CEP78: variants seen among roughly 807,000 people sequenced by gnomAD.
CEP78 encodes centrosomal protein 78, also known as centrosomal protein of 78 kDa.
Under a neutral mutation model 81.2 loss-of-function variants are expected in CEP78, and 76 were observed. That is an observed-to-expected ratio of 0.94 (90% confidence interval 0.78 to 1.13). CEP78 has a LOEUF of 1.13. Ranked by LOEUF, CEP78 falls within the 50% of genes most tolerant of loss-of-function variation. The probability of loss-of-function intolerance (pLI) is 0.00; values close to 1 mark genes in which losing one functional copy is unlikely to be tolerated. For synonymous variants in CEP78, 293 were observed against 301.4 expected (o/e 0.97, Z 0.29); for missense variants, 918 against 846.8 (o/e 1.08, Z -1.04).
intron 11 of CEP78, among the ~76,000 whole-genome samples, chr9:78,260,935 T>C (rs1827246171): frequency 6.6e-6 from 1 of 151,994 alleles, no homozygotes; most frequent in Non-Finnish European, 1.5e-5. Flanking sequence ...ACTTTTGCGT[T>C]GGAGAATACT....
intron 11 of CEP78, among the ~76,000 whole-genome samples, chr9:78,257,338 C>G (rs891136175): frequency 1.3e-5 from 2 of 152,206 alleles, no homozygotes; most frequent in African/African-American, 4.8e-5. Flanking sequence ...AGATTCCCAT[C>G]CAGCCAAACT....
intron 16 of CEP78, among the ~76,000 whole-genome samples, chr9:78,270,007 A>G (rs1237541176): frequency 6.6e-6 from 1 of 152,234 alleles, no homozygotes; most frequent in Non-Finnish European, 1.5e-5. Flanking sequence ...ACTCCCATAC[A>G]TGTAGTGCAA....
At chr9:78,270,750 G>A (rs1262669830) in intron 16 of CEP78, 91 bp from the exon 17 acceptor site, 10 of 615,996 alleles carry the variant, frequency 1.6e-5, no homozygotes, top group Non-Finnish European at 2.6e-5. Flanking sequence ...CGGCATGATA[G>A]GAGATGATTG....
In CEP78 at chr9:78,236,371, G is replaced by A. The variant is rs1285947940; in HGVS notation, c.21G>A (p.Leu7=). The change falls in exon 1 of 17, where the codon CTG becomes CTA. Residue 7 remains leucine, a synonymous_variant. Coordinates refer to ENST00000643273, the MANE Select transcript of CEP78 (RefSeq NM_001330691.3). ...GGGCCATGATCGACTCCGTGAAGCT[G>A]CGCCGCGACAGCGCGGCGGACTTCT... MIDSVK[L]RRDSAADFFS... is the part of the protein sequence containing the mutation. 1.9e-6 allele frequency: 3 copies of A among 1,584,510 alleles called. No homozygotes were observed. The highest frequency in any genetic ancestry group is 2.6e-6 in the Non-Finnish European group (3 of 1,168,426).
intron 10 of CEP78, chr9:78,253,943 G>A (rs17787781): frequency 0.048 from 7,310 of 152,210 alleles, 279 homozygotes; most frequent in Admixed American, 0.094. Flanking sequence ...GGATTTTCAG[G>A]TACTGCAGGA....
At chr9:78,258,798 C>T (rs1269958616) in intron 11 of CEP78, among the ~76,000 whole-genome samples, 2 of 152,100 alleles carry the variant, frequency 1.3e-5, no homozygotes, top group Non-Finnish European at 2.9e-5. Flanking sequence ...GAACTGAAAT[C>T]AGTATGAGAT....
chr9:78,264,361 A>T (rs1409566684), intron 13 of CEP78, 45 bp downstream of exon 13: 1 of 1,569,166 alleles, frequency 6.4e-7, no homozygotes, highest in East Asian at 2.3e-5. Context: ...CATGACTTTA[A>T]TGGTGTTTTG....
chr9:78,240,473 C>A, intron 3 of CEP78, 109 bp downstream of exon 3: 1 of 902,914 alleles, frequency 1.1e-6, no homozygotes, highest in Non-Finnish European at 1.8e-6. Flanking sequence ...GCCTCATATG[C>A]TTGTTCAAAC....
chr9:78,265,950 T>TA, intron 15 of CEP78, 44 bp downstream of exon 15: 1 of 928,976 alleles, frequency 1.1e-6, no homozygotes, highest in Non-Finnish European at 1.7e-6. Context: ...AAGTAATTCA[T>TA]ATATAACAGG....
rs568959394 is a variant in CEP78 at position 78,258,490 on chromosome 9, A to G, written c.1380+3526A>G. Among the ~76,000 whole-genome samples the G allele has an allele frequency of 4.6e-5, 7 of 152,330 alleles. No individual in the cohort carries two copies. The South Asian group carries it at 8.3e-4, about 18-fold the overall frequency. On this transcript the variant is annotated intron_variant, in intron 11 of 16. Coordinates refer to ENST00000643273, the MANE Select transcript of CEP78 (RefSeq NM_001330691.3). ...AACAATTTAAATTTTTAAGTAATGT[A>G]TATCACTAGAAGTTGAAGAGATCAT...
At chr9:78,264,664 A>T (rs1302180697) in intron 13 of CEP78, among the ~76,000 whole-genome samples, 1 of 150,146 alleles carries the variant, frequency 6.7e-6, no homozygotes, top group Non-Finnish European at 1.5e-5. Flanking sequence ...AAAAAAAAAA[A>T]AGAGTAACTT....
chr9:78,252,451 C>G (rs1826810408), intron 9 of CEP78, among the ~76,000 whole-genome samples: 1 of 152,174 alleles, frequency 6.6e-6, no homozygotes, highest in South Asian at 2.1e-4. Context: ...TAGACTTAAT[C>G]TAACTCAGCC....
At chr9:78,246,599 C>CA (rs917034107) in intron 5 of CEP78, 70 bp from the exon 6 acceptor site, 57 of 1,015,594 alleles carry the variant, frequency 5.6e-5, no homozygotes, top group South Asian at 9.4e-5. Context: ...GACTCCGTCT[C>CA]AAAAAAACAA....
At chr9:78,250,359 GC>G (rs1410852406) in intron 8 of CEP78, 1 of 397,352 alleles carries the variant, frequency 2.5e-6, no homozygotes, top group Non-Finnish European at 4.4e-6. Flanking sequence ...CATTCATATT[GC>G]AATTACGTGT....
rs1827813606 is a variant in CEP78, at chr9:78,276,774, A to T, written c.*5923A>T. 1 of 152,232 alleles carries T rather than the reference A, an allele frequency of 6.6e-6. No homozygotes were observed. Among genetic ancestry groups the T allele is most frequent in the Non-Finnish European group, 1.5e-5 (1 of 68,036 alleles). 9.4% of individuals were successfully genotyped at this position (152,232 alleles called of 1,614,324 possible). On this transcript the variant is annotated 3_prime_UTR_variant, in exon 17 of 17. Coordinates refer to ENST00000643273, the MANE Select transcript of CEP78 (RefSeq NM_001330691.3). ...ATCTATGCTAGAGGGTATAAAAGAA[A>T]CACAAAAATAGAGGTATGCCATGTA... is the stretch of plus-strand genomic sequence containing the variant.
chr9:78,267,126 A>G (rs974325958), intron 16 of CEP78: 1 of 942,690 alleles, frequency 1.1e-6, no homozygotes, highest in East Asian at 6.0e-5. Flanking sequence ...AGATTTCTCT[A>G]TACTTTTTAT....
At chr9:78,254,169 A>G (rs933063463) in intron 10 of CEP78, among the ~76,000 whole-genome samples, 3 of 152,168 alleles carry the variant, frequency 2.0e-5, no homozygotes, top group Non-Finnish European at 4.4e-5. Context: ...GAATGAGGAA[A>G]AGATGAGGTT....
At chr9:78,249,503 A>G (rs767983422) in intron 8 of CEP78, 1 of 152,162 alleles carries the variant, frequency 6.6e-6, no homozygotes, top group South Asian at 2.1e-4. Context: ...CTGCCAAATA[A>G]TAGTCTAGAA....
intron 5 of CEP78, among the ~76,000 whole-genome samples, chr9:78,244,978 T>C (rs952504737): frequency 2.0e-5 from 3 of 152,128 alleles, no homozygotes; most frequent in Non-Finnish European, 4.4e-5. Context: ...CATTTAATTG[T>C]TTTAGTTTAT....
Sources: allele counts gnomAD v4.1 joint callset (sites outside exome capture counted in the v4.1 genomes callset), GRCh38; gene constraint gnomAD v4.1.1; transcripts MANE v1.5; gene names NCBI Gene and HGNC (gene_info 2026-07-23, HGNC 2026-07-21).